Variants in CNTNAP5 observed in about 807,000 individuals in gnomAD.
The protein encoded by CNTNAP5 is contactin associated protein family member 5.
Under a neutral mutation model 150.2 loss-of-function variants are expected in CNTNAP5, and 72 were observed. The ratio of observed to expected loss-of-function variants is 0.48; its 90% confidence interval spans 0.40 to 0.58. The LOEUF (loss-of-function observed/expected upper bound fraction) is 0.58, where lower values mean the gene tolerates loss of function less well. Among genes scored for constraint, CNTNAP5 ranks in the 20% least tolerant of loss-of-function variants. The pLI is 0.00. For missense variants in CNTNAP5, 1,636 were observed against 1,626.2 expected, an observed-to-expected ratio of 1.01 and a Z score of -0.10; for synonymous variants, 672 against 619.8, an observed-to-expected ratio of 1.08 and a Z score of -1.25.
intron 19 of CNTNAP5, among the ~76,000 whole-genome samples, chr2:124,849,000 T>A (rs908465050): frequency 1.3e-5 from 2 of 152,176 alleles, no homozygotes; most frequent in Non-Finnish European, 2.9e-5. Context: ...TGATGTGGTC[T>A]CATTTATTTA....
At chr2:124,211,007 C>T (rs1685997034) in intron 1 of CNTNAP5, among the ~76,000 whole-genome samples, 1 of 152,092 alleles carries the variant, frequency 6.6e-6, no homozygotes, top group African/African-American at 2.4e-5. Flanking sequence ...TAGCATGATA[C>T]ATGATGCCTG....
chr2:124,442,416 T>C (rs138433220), intron 5 of CNTNAP5, among the ~76,000 whole-genome samples: 1 of 152,280 alleles, frequency 6.6e-6, no homozygotes, highest in African/African-American at 2.4e-5. Context: ...TTTACTAGCG[T>C]TCTCCTGCCA....
At chr2:124,173,056 G>A (rs1237394210) in intron 1 of CNTNAP5, among the ~76,000 whole-genome samples, 1 of 152,066 alleles carries the variant, frequency 6.6e-6, no homozygotes, top group Admixed American at 6.5e-5. Flanking sequence ...ATGGTGACCT[G>A]TGACCAGTGA....
rs527779570 is a variant in CNTNAP5, at chr2:124,827,978, C to T, written c.3217+29658C>T. Reference sequence around the variant, plus strand: ...GTAAACTGGTAGAGTAAATTGTTTCCAATTCAGCTCCAAGCTGCTCTTCCT... The same window carrying T: ...GTAAACTGGTAGAGTAAATTGTTTCTAATTCAGCTCCAAGCTGCTCTTCCT... On this transcript the variant is annotated intron_variant, in intron 19 of 23. Coordinates refer to ENST00000682447, the MANE Select transcript of CNTNAP5 (RefSeq NM_001367498.1). Among the ~76,000 whole-genome samples the T allele has an allele frequency of 2.0e-5, 3 of 152,172 alleles. No homozygotes were observed. In the South Asian group the frequency reaches 6.2e-4, roughly 32 times the overall value.
intron 1 of CNTNAP5, among the ~76,000 whole-genome samples, chr2:124,033,008 A>T (rs945677360): frequency 1.3e-5 from 2 of 152,178 alleles, no homozygotes; most frequent in African/African-American, 4.8e-5. Flanking sequence ...TAAACCAGGG[A>T]TCATTACTGC....
chr2:124,351,906 A>T (rs1689882597), intron 3 of CNTNAP5, among the ~76,000 whole-genome samples: 1 of 152,192 alleles, frequency 6.6e-6, no homozygotes, highest in Non-Finnish European at 1.5e-5. Context: ...AGTTACATGG[A>T]GGAGTAAAAA....
chr2:124,434,721 A>T (rs937120788), intron 5 of CNTNAP5, 34 bp downstream of exon 5: 3 of 1,552,852 alleles, frequency 1.9e-6, no homozygotes, highest in Admixed American at 3.8e-5. Flanking sequence ...ATGCCAAGGG[A>T]TGGAGAGCTC....
intron 1 of CNTNAP5, among the ~76,000 whole-genome samples, chr2:124,134,090 C>A (rs1025363369): frequency 6.6e-6 from 1 of 152,054 alleles, no homozygotes; most frequent in African/African-American, 2.4e-5. Flanking sequence ...GTCACCCAAG[C>A]ACATTTTGTA....
intron 1 of CNTNAP5, among the ~76,000 whole-genome samples, chr2:124,086,402 A>C (rs903822617): frequency 6.6e-6 from 1 of 151,334 alleles, no homozygotes; most frequent in African/African-American, 2.4e-5. Flanking sequence ...ACGGGGTTTC[A>C]TCGTGTTAGC....
intron 3 of CNTNAP5, among the ~76,000 whole-genome samples, chr2:124,392,003 A>T (rs1447909620): frequency 1.3e-5 from 2 of 152,144 alleles, no homozygotes; most frequent in Non-Finnish European, 2.9e-5. Context: ...GGCACTGAGA[A>T]TGACAGGAAA....
intron 1 of CNTNAP5, among the ~76,000 whole-genome samples, chr2:124,210,312 T>G (rs890336454): frequency 3.3e-5 from 5 of 152,218 alleles, no homozygotes; most frequent in Non-Finnish European, 7.3e-5. Context: ...TGGGACCATT[T>G]ATCACCTCTT....
At chr2:124,340,844 TATATGTACACACAC>T (rs1689595383) in intron 3 of CNTNAP5, among the ~76,000 whole-genome samples, 1 of 148,430 alleles carries the variant, frequency 6.7e-6, no homozygotes, top group Non-Finnish European at 1.5e-5. Context: ...TGCGTGTGTA[TATATGTACACACAC>T]ACTATATGTA....
At chr2:124,578,330 C>CA (rs556025524) in intron 11 of CNTNAP5, among the ~76,000 whole-genome samples, 770 of 56,112 alleles carry the variant, frequency 0.014, 5 homozygotes, top group African/African-American at 0.028. Context: ...GACTTTGTCT[C>CA]AAAAAAAAAA....
chr2:124,673,788 A>G (rs1338921649), intron 13 of CNTNAP5, among the ~76,000 whole-genome samples: 1 of 151,878 alleles, frequency 6.6e-6, no homozygotes, highest in Admixed American at 6.6e-5. Context: ...GAGATCCTCT[A>G]GACAATTTTT....
intron 3 of CNTNAP5, among the ~76,000 whole-genome samples, chr2:124,272,943 A>G (rs1466984754): frequency 6.6e-6 from 1 of 152,218 alleles, no homozygotes; most frequent in African/African-American, 2.4e-5. Flanking sequence ...ATGACCCTGT[A>G]GGTCATTTCC....
intron 13 of CNTNAP5, among the ~76,000 whole-genome samples, chr2:124,656,165 T>G (rs148536587): frequency 6.6e-6 from 1 of 152,168 alleles, no homozygotes; most frequent in East Asian, 1.9e-4. Flanking sequence ...ATGTTTTAAA[T>G]GACAATGTCA....
chr2:124,615,947 C>CT (rs778564222), intron 12 of CNTNAP5, among the ~76,000 whole-genome samples: 14 of 152,046 alleles, frequency 9.2e-5, no homozygotes, highest in Non-Finnish European at 1.8e-4. Context: ...GAAAGAAATC[C>CT]TTTTTTTGTT....
At chr2:124,609,452 G>C (rs926380099) in intron 11 of CNTNAP5, among the ~76,000 whole-genome samples, 34 of 152,200 alleles carry the variant, frequency 2.2e-4, no homozygotes, top group Admixed American at 6.5e-4. Flanking sequence ...AAATTAGTCA[G>C]GGTGGTGGCT....
intron 11 of CNTNAP5, among the ~76,000 whole-genome samples, chr2:124,608,906 G>A (rs1237675776): frequency 4.6e-5 from 7 of 151,274 alleles, no homozygotes; most frequent in Non-Finnish European, 7.4e-5. Flanking sequence ...ATCAAGCCAC[G>A]GCACTCCAGC....
Sources: gnomAD v4.1 joint callset for allele counts (sites outside exome capture counted in the v4.1 genomes callset) on GRCh38, gnomAD v4.1.1 for gene constraint, MANE v1.5 for transcripts, NCBI Gene and HGNC (gene_info 2026-07-23, HGNC 2026-07-21) for gene names.